The following SPRY4 variants were observed in gnomAD, a reference collection of about 807,000 sequenced individuals.
SPRY4 encodes sprouty RTK signaling antagonist 4.
SPRY4 carries 7 observed loss-of-function variants against 17.0 expected under a neutral mutation model. The ratio of observed to expected loss-of-function variants is 0.41; its 90% CI spans 0.23 to 0.77. The LOEUF is 0.77. Ranked by LOEUF, SPRY4 falls within the 30% of genes least tolerant of loss-of-function variation. The probability of loss-of-function intolerance (pLI) is 0.32; values close to 1 mark genes in which losing one functional copy is unlikely to be tolerated. For missense variants in SPRY4, 435 were observed against 419.9 expected (o/e 1.04, Z -0.31); for synonymous variants, 183 against 174.1 (o/e 1.05, Z -0.40).
In SPRY4 at chr5:142,311,473, G is replaced by C. The variant is rs1196525249; in HGVS notation, c.*2736C>G. 1 of 152,264 alleles carries C rather than the reference G, an allele frequency of 6.6e-6. No individual in the cohort carries two copies. The highest frequency in any genetic ancestry group is 1.9e-4 in the East Asian group (1 of 5,190). The allele number at this position is 152,264 out of a possible 1,614,324, so 9.4% of individuals were successfully genotyped here. A position where few individuals can be genotyped will look rare whatever the true frequency, so the allele number is the denominator to read the frequency against. On this transcript the variant is annotated 3_prime_UTR_variant, in exon 2 of 2. Coordinates refer to ENST00000434127, the MANE Select transcript of SPRY4 (RefSeq NM_001127496.3). Reference sequence around the variant, plus strand: ...CTCAGCCAGAAGCAGCTACACATGTGTGTTGTGTCTCTGAGTGCTGGGTCC... The same window carrying C: ...CTCAGCCAGAAGCAGCTACACATGTCTGTTGTGTCTCTGAGTGCTGGGTCC...
At position 142,315,086 on chromosome 5, in the gene SPRY4, C is replaced by G; in HGVS notation, c.23G>C (p.Ser8Thr). Residue 8 changes from serine (S) to threonine (T), a missense_variant, in exon 2 of 2, where the codon AGC (serine) becomes ACC (threonine). By Grantham distance (58) the Ser-to-Thr change is moderately conservative. Transcript: ENST00000434127. MEPPIPQSAPLTPNSVMV... is the reference protein window; with the variant it reads MEPPIPQTAPLTPNSVMV... ...GACTGAGTTGGGAGTCAAGGGGGCG[C>G]TCTGTGGGATCGGGGGCTCCATGGG... 1 of 1,612,134 alleles carries G rather than the reference C, an allele frequency of 6.2e-7. No homozygotes were observed. The highest frequency in any genetic ancestry group is 8.5e-7 in the Non-Finnish European group (1 of 1,179,892).
chr5:142,319,670 C>T lies in SPRY4; in HGVS notation c.-47-4515G>A, dbSNP rs999361941. On this transcript the variant is annotated intron_variant, in intron 1 of 1. Coordinates refer to ENST00000434127, the MANE Select transcript of SPRY4 (RefSeq NM_001127496.3). ...AGGATATCAAAATCCCCAGAACACG[C>T]GCAACACTGTATTTGCTGCTTGGCG... is the stretch of plus-strand genomic sequence containing the variant. The T allele has an allele frequency of 2.3e-5, 36 of 1,561,498 alleles. No homozygotes were observed. The East Asian group carries it at 2.5e-4, about 11-fold the overall frequency.
intron 1 of SPRY4, among the ~76,000 whole-genome samples, chr5:142,316,353 C>T (rs1337724965): frequency 6.6e-6 from 1 of 152,130 alleles, no homozygotes; most frequent in Non-Finnish European, 1.5e-5. Flanking sequence ...TTAGAAGTGC[C>T]ATTTCCTTGC....
At position 142,314,898 on chromosome 5, in the gene SPRY4, C is replaced by A; in HGVS notation, c.211G>T (p.Ala71Ser). Residue 71 changes from alanine (A) to serine (S), a missense_variant, in exon 2 of 2, where the codon GCC becomes TCC. Coordinates refer to ENST00000434127, the MANE Select transcript of SPRY4 (RefSeq NM_001127496.3). This position sits in a 1 kb window ranked among gnomAD's most constrained non-coding sequence, Gnocchi z 4.8. Reference sequence around the variant, plus strand: ...GCGGGCGTCGGGGCCAGCTCTGGGGCCCCGCCCCGGGTCCGCTTTGGGCCG... The same window carrying A: ...GCGGGCGTCGGGGCCAGCTCTGGGGACCCGCCCCGGGTCCGCTTTGGGCCG... ...TTGPKRTRGGAPELAPTPARC... is the reference protein window; with the variant it reads ...TTGPKRTRGGSPELAPTPARC... 1.2e-6 allele frequency: 2 copies of A among 1,606,618 alleles called. No homozygotes were observed. Among genetic ancestry groups the A allele is most frequent in the Non-Finnish European group, 1.7e-6 (2 of 1,174,796 alleles).
rs1365546771 is a variant in SPRY4, at chr5:142,315,276, C to T, written c.-47-121G>A. The stretch of plus-strand genomic sequence containing the variant: ...GCCCAATTGACATAGGAACTAAAAT[C>T]CCTCTGTGGACTTTCCAGTGACTCC... On this transcript the variant is annotated intron_variant, in intron 1 of 1. Coordinates refer to ENST00000434127, the MANE Select transcript of SPRY4 (RefSeq NM_001127496.3). The T allele has an allele frequency of 7.8e-6, 5 of 637,710 alleles. No homozygotes were observed. In the East Asian group the frequency reaches 1.4e-4, roughly 18 times the overall value. 39.5% of individuals were successfully genotyped at this position (637,710 alleles called of 1,614,324 possible).
chr5:142,312,793 TGA>T lies in SPRY4; in HGVS notation c.*1414_*1415del, dbSNP rs1758970250. 1 of 152,628 alleles carries T rather than the reference TGA, an allele frequency of 6.6e-6. No homozygotes were observed. The highest frequency in any genetic ancestry group is 2.4e-5 in the African/African-American group (1 of 41,422). 9.5% of individuals were successfully genotyped at this position (152,628 alleles called of 1,614,324 possible). Reference sequence around the variant, plus strand: ...GCACCTTCTGAGTCCTTTAGCACCTTGAGAGAAAGAGTTGCTACGTCTTTGAG... The same window carrying T: ...GCACCTTCTGAGTCCTTTAGCACCTTGAGAAAGAGTTGCTACGTCTTTGAG... On this transcript the variant is annotated 3_prime_UTR_variant, in exon 2 of 2. Transcript: ENST00000434127.
chr5:142,324,176 C>T (rs1009272311), intron 1 of SPRY4: 20 of 152,316 alleles, frequency 1.3e-4, no homozygotes, highest in Non-Finnish European at 2.3e-4. Context: ...AGTTGCATAG[C>T]ATAAAATGCG....
chr5:142,319,668 C>G, intron 1 of SPRY4: 6 of 1,555,296 alleles, frequency 3.9e-6, no homozygotes, highest in East Asian at 4.5e-5. Context: ...CCCCAGAACA[C>G]GCGCAACACT....
intron 1 of SPRY4, among the ~76,000 whole-genome samples, chr5:142,322,349 TA>T (rs1253316264): frequency 6.6e-6 from 1 of 151,928 alleles, no homozygotes; most frequent in African/African-American, 2.4e-5. Context: ...CACACACCTG[TA>T]ATTCCAGCTA....
chr5:142,315,338 T>C, intron 1 of SPRY4, 183 bp from the exon 2 acceptor site: 1 of 572,714 alleles, frequency 1.7e-6, no homozygotes, highest in South Asian at 2.4e-5. Context: ...AAGAAGTCAG[T>C]GGTGGAAATA....
In SPRY4 at chr5:142,324,990, A is replaced by T. The variant is rs1182134533; in HGVS notation, c.-194T>A. 1 of 152,700 alleles carries T rather than the reference A, an allele frequency of 6.5e-6. No homozygotes were observed. Among genetic ancestry groups the T allele is most frequent in the Non-Finnish European group, 1.5e-5 (1 of 68,054 alleles). The allele number at this position is 152,700 out of a possible 1,614,324, so 9.5% of individuals were successfully genotyped here. A position where few individuals can be genotyped will look rare whatever the true frequency, so the allele number is the denominator to read the frequency against. ...TCCACAGCGCCAGCTCCGCGCTGTC[A>T]GCTCAGCTCGCTACCTCCGCGGCGA... On this transcript the variant is annotated 5_prime_UTR_variant, in exon 1 of 2. Transcript: ENST00000434127.
At chr5:142,319,884 T>C in intron 1 of SPRY4, 1 of 1,179,902 alleles carries the variant, frequency 8.5e-7, no homozygotes, top group Non-Finnish European at 1.1e-6. Flanking sequence ...TGACTTACCC[T>C]AGGGAGGTGA....
In SPRY4 at chr5:142,312,382, AAT is replaced by A. The variant is rs1344238618; in HGVS notation, c.*1825_*1826del. 6.6e-6 allele frequency: 1 copy of A among 152,644 alleles called. No individual in the cohort carries two copies. Among genetic ancestry groups the A allele is most frequent in the Non-Finnish European group, 1.5e-5 (1 of 68,040 alleles). 9.5% of individuals were successfully genotyped at this position (152,644 alleles called of 1,614,324 possible). ...ATGTTACATAAATAAAGCCGAAAAT[AAT>A]ATGACCCTCCCTTCCTCCAATCAAT... On this transcript the variant is annotated 3_prime_UTR_variant, in exon 2 of 2. Transcript: ENST00000434127.
Position 142,314,647 on chromosome 5 carries a change from C to G in SPRY4, c.462G>C (p.Lys154Asn), listed in dbSNP as rs1759071491. 6.2e-7 allele frequency: 1 copy of G among 1,614,232 alleles called. No homozygotes were observed. The highest frequency in any genetic ancestry group is 2.2e-5 in the East Asian group (1 of 44,884). ...KGPAVPPELD[K>N]HFLLCEACGK... ...CACAGGCCTCGCACAGCAAGAAGTG[C>G]TTGTCCAGCTCGGGTGGGACCGCCG... Residue 154 changes from lysine (K) to asparagine (N), a missense_variant, in exon 2 of 2, where the codon AAG becomes AAC. Physicochemically the swap from Lys to Asn is moderately conservative, Grantham distance 94. Coordinates refer to ENST00000434127, the MANE Select transcript of SPRY4 (RefSeq NM_001127496.3). The surrounding 1 kb of genome is among the most constrained non-coding windows in gnomAD (Gnocchi z 4.8).
In SPRY4 at chr5:142,315,174, A is replaced by T. The variant is rs1759108845; in HGVS notation, c.-47-19T>A. Reference sequence around the variant, plus strand: ...AGGGGCCCTGGGGGTGGGGTGGGGAAAAGGAAGAGAGAATGGATTCCAGGC... The same window carrying T: ...AGGGGCCCTGGGGGTGGGGTGGGGATAAGGAAGAGAGAATGGATTCCAGGC... On this transcript the variant is annotated intron_variant, in intron 1 of 1. Coordinates refer to ENST00000434127, the MANE Select transcript of SPRY4 (RefSeq NM_001127496.3). 6.7e-7 allele frequency: 1 copy of T among 1,493,672 alleles called. No homozygotes were observed. The highest frequency in any genetic ancestry group is 9.1e-7 in the Non-Finnish European group (1 of 1,097,566). 92.5% of individuals were successfully genotyped at this position (1,493,672 alleles called of 1,614,324 possible).
At chr5:142,315,181 G>T in intron 1 of SPRY4, 26 bp from the exon 2 acceptor site, 1 of 1,450,576 alleles carries the variant, frequency 6.9e-7, no homozygotes, top group South Asian at 1.2e-5. Flanking sequence ...GGAAAAGGAA[G>T]AGAGAATGGA....
chr5:142,317,197 T>G (rs1333920736), intron 1 of SPRY4: 20 of 985,316 alleles, frequency 2.0e-5, no homozygotes, highest in Non-Finnish European at 2.4e-5. Flanking sequence ...AGGATCAGGC[T>G]GATGACAACG....
rs1196525249 is a variant in SPRY4 at position 142,311,473 on chromosome 5, G to T, written c.*2736C>A. ...CTCAGCCAGAAGCAGCTACACATGT[G>T]TGTTGTGTCTCTGAGTGCTGGGTCC... On this transcript the variant is annotated 3_prime_UTR_variant, in exon 2 of 2. Transcript: ENST00000434127. The T allele has an allele frequency of 1.3e-5, 2 of 152,264 alleles. No homozygotes were observed. The highest frequency in any genetic ancestry group is 4.8e-5 in the African/African-American group (2 of 41,456). 9.4% of individuals were successfully genotyped at this position (152,264 alleles called of 1,614,324 possible). A position where few individuals can be genotyped will look rare whatever the true frequency, so the allele number is the denominator to read the frequency against.
chr5:142,314,188 C>G lies in SPRY4; in HGVS notation c.*21G>C, dbSNP rs1759037960. The G allele has an allele frequency of 1.3e-6, 2 of 1,589,758 alleles. No individual in the cohort carries two copies. The highest frequency in any genetic ancestry group is 2.3e-5 in the South Asian group (2 of 88,768). On this transcript the variant is annotated 3_prime_UTR_variant, in exon 2 of 2. Transcript: ENST00000434127. This position sits in a 1 kb window ranked among gnomAD's most constrained non-coding sequence, Gnocchi z 4.8. The stretch of plus-strand genomic sequence containing the variant: ...GAGAACCAGGTTTCCAGGCAGAGCA[C>G]TGGGGCTTCGACACAAACTGTCAGA...
Sources: gnomAD v4.1 joint callset for allele counts (sites outside exome capture counted in the v4.1 genomes callset) on GRCh38, gnomAD v4.1.1 for gene constraint, Gnocchi (gnomAD v3.1) non-coding constraint, MANE v1.5 for transcripts, NCBI Gene and HGNC (gene_info 2026-07-23, HGNC 2026-07-21) for gene names.